MTMR10: variants seen among roughly 807,000 people sequenced by gnomAD.
The protein encoded by MTMR10 is myotubularin related protein 10, also known as myotubularin-related protein 10.
A neutral mutation model predicts 88.1 loss-of-function variants in MTMR10; 56 were observed. That is an observed-to-expected ratio of 0.64 (90% CI 0.51 to 0.79). The LOEUF (loss-of-function observed/expected upper bound fraction) is 0.79, where lower values mean the gene tolerates loss of function less well. MTMR10 is among the 30% of genes least tolerant of loss of function. MTMR10 has a pLI of 0.00. For synonymous variants in MTMR10, 380 were observed against 340.9 expected, an observed-to-expected ratio of 1.11 and a Z score of -1.26; for missense variants, 883 against 924.7, an observed-to-expected ratio of 0.95 and a Z score of 0.58.
At chr15:30,960,779 C>A in intron 7 of MTMR10, 102 bp downstream of exon 7, 2 of 1,285,240 alleles carry the variant, frequency 1.6e-6, no homozygotes, top group Non-Finnish European at 1.0e-6. Context: ...ACAAATATTC[C>A]ATTAACCACA....
At chr15:30,984,246 T>G (rs370519972) in intron 2 of MTMR10, among the ~76,000 whole-genome samples, 1 of 152,134 alleles carries the variant, frequency 6.6e-6, no homozygotes, top group Non-Finnish European at 1.5e-5. Context: ...AGTGAGGAGT[T>G]TGGAGGGGTA....
At chr15:30,968,461 A>T (rs1003952027) in intron 5 of MTMR10, among the ~76,000 whole-genome samples, 1 of 152,024 alleles carries the variant, frequency 6.6e-6, no homozygotes, top group Non-Finnish European at 1.5e-5. Flanking sequence ...AGAGAAACAT[A>T]ATTACAAAAA....
intron 3 of MTMR10, among the ~76,000 whole-genome samples, chr15:30,975,720 T>G (rs1022407178): frequency 6.6e-6 from 1 of 152,164 alleles, no homozygotes; most frequent in African/African-American, 2.4e-5. Context: ...ACAATAAATA[T>G]TTGTACAGTA....
chr15:30,946,982 AAAT>A, intron 14 of MTMR10, 145 bp downstream of exon 14: 1 of 1,085,660 alleles, frequency 9.2e-7, no homozygotes, highest in Non-Finnish European at 1.3e-6. Flanking sequence ...TGTGTCTTCA[AAAT>A]AATCCATTCA....
At chr15:30,979,139 C>T (rs898835825) in intron 2 of MTMR10, among the ~76,000 whole-genome samples, 3 of 152,128 alleles carry the variant, frequency 2.0e-5, no homozygotes, top group Admixed American at 1.3e-4. Context: ...CTTCTTTACA[C>T]GGAATCATCA....
rs760166100 is a variant in MTMR10, at chr15:30,941,679, C to T, written c.2125G>A (p.Gly709Arg). 4 of 1,613,518 alleles carry T rather than the reference C, an allele frequency of 2.5e-6. No homozygotes were observed. In the Admixed American group the frequency reaches 5.0e-5, roughly 20 times the overall value. Residue 709 changes from glycine (G) to arginine (R), a missense_variant, in exon 16 of 16, where the codon GGG becomes AGG. Gly to Arg is a moderately radical substitution (Grantham distance 125, BLOSUM62 -2). Transcript: ENST00000435680. Reference protein sequence around the residue: ...QRSGPLEACYGELGQSRMYFN... With the variant: ...QRSGPLEACYRELGQSRMYFN... The stretch of plus-strand genomic sequence containing the variant: ...TACATCCTGCTCTGGCCCAGCTCCC[C>T]ATAGCAGGCCTCCAGGGGGCCACTG...
At chr15:30,960,825 T>A (rs1170158906) in intron 7 of MTMR10, 56 bp downstream of exon 7, 6 of 1,437,982 alleles carry the variant, frequency 4.2e-6, no homozygotes, top group Admixed American at 4.7e-5. Flanking sequence ...AGTTTGATGA[T>A]TATTCATAGG....
Position 30,961,018 on chromosome 15 carries a change from ACCTCCTCCTCCT to A in MTMR10, c.609_620del (p.Gly204_Gly207del), listed in dbSNP as rs754775618. ...GGCTGCTGCCACCACCAGCTCCATT[ACCTCCTCCTCCT>A]CCTCCTCCTCCATCTCCTGAGGGAA... On this transcript the variant is annotated inframe_deletion, in exon 7 of 16. Transcript: ENST00000435680. 2.6e-6 allele frequency: 4 copies of A among 1,563,996 alleles called. No homozygotes were observed. The highest frequency in any genetic ancestry group is 2.4e-5 in the South Asian group (2 of 85,078).
chr15:30,977,565 A>C (rs1000938428), intron 2 of MTMR10, among the ~76,000 whole-genome samples: 1 of 152,254 alleles, frequency 6.6e-6, no homozygotes, highest in Non-Finnish European at 1.5e-5. Flanking sequence ...TACTTTTGAA[A>C]GAATACTTTT....
chr15:30,971,236 T>G (rs758246526), intron 5 of MTMR10, among the ~76,000 whole-genome samples: 14 of 152,192 alleles, frequency 9.2e-5, no homozygotes, highest in Non-Finnish European at 2.9e-5. Flanking sequence ...ATTAAAGACA[T>G]TAAATTATGG....
At chr15:30,926,729 A>T in the MTMR10 span, 1 of 985,336 alleles carries the variant, frequency 1.0e-6, no homozygotes, top group Non-Finnish European at 1.2e-6. Context: ...GAGACGTGGA[A>T]ACTGGACACT....
At chr15:30,984,038 G>T (rs1247886523) in intron 2 of MTMR10, among the ~76,000 whole-genome samples, 1 of 152,150 alleles carries the variant, frequency 6.6e-6, no homozygotes, top group Non-Finnish European at 1.5e-5. Flanking sequence ...ACAGTAACAA[G>T]GTCCTAAATA....
the MTMR10 span, chr15:30,927,614 G>A: frequency 1.0e-6 from 1 of 985,594 alleles, no homozygotes; most frequent in Non-Finnish European, 1.2e-6. Context: ...GCCTGTAAAT[G>A]TCAGGTGGGA....
At position 30,942,049 on chromosome 15, in the gene MTMR10, TCTTAGTGTG is replaced by T; in HGVS notation, c.1746_1754del (p.Thr583_Arg585del). 6.2e-7 allele frequency: 1 copy of T among 1,613,930 alleles called. No individual in the cohort carries two copies. ...CATTCTTTAAGGCAGACGGCATTCCTCTTAGTGTGGAGCTGTAGCTTTTCTATACAGAAG... is the reference window on the plus strand; with the variant it reads ...CATTCTTTAAGGCAGACGGCATTCCTGAGCTGTAGCTTTTCTATACAGAAG... On this transcript the variant is annotated inframe_deletion, in exon 16 of 16. Transcript: ENST00000435680.
intron 11 of MTMR10, 86 bp downstream of exon 11, chr15:30,953,476 C>T (rs2063279404): frequency 1.0e-6 from 1 of 977,702 alleles, no homozygotes; most frequent in Non-Finnish European, 1.5e-6. Context: ...AGTACATGGC[C>T]CTCTGTGCTA....
downstream of MTMR10, among the ~76,000 whole-genome samples, chr15:30,937,632 A>G (rs2062898515): frequency 6.6e-6 from 1 of 151,548 alleles, no homozygotes; most frequent in Non-Finnish European, 1.5e-5. Flanking sequence ...TTGTATTTTT[A>G]GTAGAGACGG....
chr15:30,929,077 C>A, the MTMR10 span: 1 of 860,526 alleles, frequency 1.2e-6, no homozygotes, highest in Non-Finnish European at 1.8e-6. Flanking sequence ...TTAACTTTTA[C>A]TTATCTTTTG....
Position 30,940,601 on chromosome 15 carries a change from G to T in MTMR10, c.*869C>A. 1.0e-6 allele frequency: 1 copy of T among 985,358 alleles called. No individual in the cohort carries two copies. Among genetic ancestry groups the T allele is most frequent in the African/African-American group, 1.7e-5 (1 of 57,282 alleles). The allele number at this position is 985,358 out of a possible 1,614,324, so 61.0% of individuals were successfully genotyped here. Reference sequence around the variant, plus strand: ...TGTTTGTTTTTGAGGGCGAGTTTTGGCATAGATGGCACTCTCCTGTCTACA... The same window carrying T: ...TGTTTGTTTTTGAGGGCGAGTTTTGTCATAGATGGCACTCTCCTGTCTACA... On this transcript the variant is annotated 3_prime_UTR_variant, in exon 16 of 16. Coordinates refer to ENST00000435680, the MANE Select transcript of MTMR10 (RefSeq NM_017762.3).
At chr15:30,947,356 A>C in intron 13 of MTMR10, 56 bp from the exon 14 acceptor site, 1 of 1,548,090 alleles carries the variant, frequency 6.5e-7, no homozygotes, top group East Asian at 2.3e-5. Context: ...AGCCGTTCAC[A>C]TTTACTTCAA....
Sources: allele counts gnomAD v4.1 joint callset (sites outside exome capture counted in the v4.1 genomes callset), GRCh38; gene constraint gnomAD v4.1.1; transcripts MANE v1.5; gene names NCBI Gene and HGNC (gene_info 2026-07-23, HGNC 2026-07-21).